Variants in PUF60 observed in about 807,000 individuals in gnomAD.
The protein encoded by PUF60 is poly(U) binding splicing factor 60.
In PUF60, 10 loss-of-function variants were observed where a neutral mutation model predicts 61.8. That is an observed-to-expected ratio of 0.16 (90% CI 0.10 to 0.27). PUF60 has a LOEUF of 0.27. Among genes scored for constraint, PUF60 ranks in the 10% least tolerant of loss-of-function variants. The pLI is 1.00. For missense variants in PUF60, 371 were observed against 754.0 expected, an observed-to-expected ratio of 0.49 and a Z score of 5.95; for synonymous variants, 353 against 300.9, an observed-to-expected ratio of 1.17 and a Z score of -1.79.
At chr8:143,824,274 G>C (rs891044593) in intron 2 of PUF60, 39 bp downstream of exon 2, 35 of 1,537,838 alleles carry the variant, frequency 2.3e-5, no homozygotes, top group Non-Finnish European at 3.0e-5. Flanking sequence ...GGGCGGGCAG[G>C]CGGGCGGGCC....
chr8:143,817,524 G>GA lies in PUF60; in HGVS notation c.1009-59dup. 1 of 1,608,232 alleles carries GA rather than the reference G, an allele frequency of 6.2e-7. No homozygotes were observed. The highest frequency in any genetic ancestry group is 1.3e-5 in the African/African-American group (1 of 74,940). Reference sequence around the variant, plus strand: ...TGGTCTGGCTACTCAAGACCACCTTGAATCAGTCTCCAAGGAATCAGGGGC... The same window carrying GA: ...TGGTCTGGCTACTCAAGACCACCTTGAAATCAGTCTCCAAGGAATCAGGGGC... On this transcript the variant is annotated intron_variant, in intron 9 of 11. Coordinates refer to ENST00000526683, the MANE Select transcript of PUF60 (RefSeq NM_078480.3). This position sits in a 1 kb window ranked among gnomAD's most constrained non-coding sequence, Gnocchi z 7.4.
intron 1 of PUF60, chr8:143,827,103 G>C (rs1169555783): frequency 3.1e-6 from 1 of 321,348 alleles, no homozygotes; most frequent in Non-Finnish European, 6.0e-6. Flanking sequence ...TCTCTCTCAG[G>C]AGCCTGGTGT....
At chr8:143,828,594 T>C (rs1357300544) in intron 1 of PUF60, among the ~76,000 whole-genome samples, 3 of 152,168 alleles carry the variant, frequency 2.0e-5, no homozygotes, top group Non-Finnish European at 4.4e-5. Context: ...AATGGCACCC[T>C]GGGTGGGAAC....
chr8:143,829,075 C>T (rs1470281355), intron 1 of PUF60: 9 of 1,065,628 alleles, frequency 8.4e-6, no homozygotes, highest in Non-Finnish European at 1.0e-5. Context: ...AAGCTGGGGT[C>T]CGCAGGCCGG....
At chr8:143,824,223 G>T in intron 2 of PUF60, 90 bp downstream of exon 2, 2 of 1,356,098 alleles carry the variant, frequency 1.5e-6, no homozygotes, top group African/African-American at 1.4e-5. Flanking sequence ...CCCCCAGCCA[G>T]CCCTCTCTGG....
chr8:143,825,128 GC>G (rs1817498021), intron 1 of PUF60: 1 of 152,336 alleles, frequency 6.6e-6, no homozygotes, highest in South Asian at 2.1e-4. Flanking sequence ...TGATGGAAGG[GC>G]CTTGAGACCT....
intron 1 of PUF60, 72 bp downstream of exon 1, chr8:143,829,208 G>A: frequency 8.1e-7 from 1 of 1,232,858 alleles, no homozygotes; most frequent in Non-Finnish European, 1.0e-6. Flanking sequence ...GAGGCCCTCC[G>A]CGCCCAGGCT....
rs1327414023 is a variant in PUF60, at chr8:143,829,045, C to T, written c.24+235G>A. 1.4e-4 allele frequency: 140 copies of T among 1,010,702 alleles called. No individual in the cohort carries two copies. The South Asian group carries it at 3.1e-3, about 23-fold the overall frequency. The allele number at this position is 1,010,702 out of a possible 1,614,324, so 62.6% of individuals were successfully genotyped here. A position where few individuals can be genotyped will look rare whatever the true frequency, so the allele number is the denominator to read the frequency against. On this transcript the variant is annotated intron_variant, in intron 1 of 11. Coordinates refer to ENST00000526683, the MANE Select transcript of PUF60 (RefSeq NM_078480.3). ...GCAAGGGCCACACGCCGCGCCCAGG[C>T]CCCCGCCCCGCCCCGCCGGAAGCTG... is the stretch of plus-strand genomic sequence containing the variant.
At chr8:143,820,348 A>T (rs1816873909) in intron 5 of PUF60, 1 of 435,792 alleles carries the variant, frequency 2.3e-6, no homozygotes, top group Non-Finnish European at 4.2e-6. Flanking sequence ...CCGTGGGCAC[A>T]CCCCGTGCGT....
chr8:143,816,952 G>A lies in PUF60; in HGVS notation c.1338C>T (p.Ser446=), dbSNP rs557273732. Residue 446 remains serine, a synonymous_variant, in exon 11 of 12, where the codon AGC becomes AGT. Coordinates refer to ENST00000526683, the MANE Select transcript of PUF60 (RefSeq NM_078480.3). The stretch of plus-strand genomic sequence containing the variant: ...GCTTCTGCATCACCATGTGTCGGGC[G>A]CTACTGCCCGAGATGCTCATGTGCT... ...EQEHMSISGS[S]ARHMVMQKLL... is the part of the protein sequence containing the mutation. 61 of 1,596,008 alleles carry A rather than the reference G, an allele frequency of 3.8e-5. No homozygotes were observed. In the South Asian group the frequency reaches 4.5e-4, roughly 12 times the overall value.
At chr8:143,826,649 G>A (rs927040386) in intron 1 of PUF60, among the ~76,000 whole-genome samples, 5 of 152,180 alleles carry the variant, frequency 3.3e-5, no homozygotes, top group African/African-American at 1.2e-4. Flanking sequence ...AACCCAGGAG[G>A]CAGAGGTTGC....
At chr8:143,819,258 G>T (rs1816740909) in intron 5 of PUF60, among the ~76,000 whole-genome samples, 2 of 152,170 alleles carry the variant, frequency 1.3e-5, no homozygotes, top group South Asian at 2.1e-4. Flanking sequence ...GAAGCCCCCA[G>T]GCTCCTTAGA....
chr8:143,828,619 C>A (rs1349131208), intron 1 of PUF60, among the ~76,000 whole-genome samples: 1 of 152,226 alleles, frequency 6.6e-6, no homozygotes, highest in Non-Finnish European at 1.5e-5. Context: ...TTCTGGTGCG[C>A]ACTAGACCTC....
At chr8:143,825,507 C>T (rs1244629314) in intron 1 of PUF60, among the ~76,000 whole-genome samples, 1 of 151,930 alleles carries the variant, frequency 6.6e-6, no homozygotes, top group Non-Finnish European at 1.5e-5. Flanking sequence ...ACTGCATGCA[C>T]AGCCAGAGCA....
At chr8:143,819,982 G>C (rs954207243) in intron 5 of PUF60, among the ~76,000 whole-genome samples, 1 of 152,226 alleles carries the variant, frequency 6.6e-6, no homozygotes, top group Non-Finnish European at 1.5e-5. Flanking sequence ...GGCTCCCAGA[G>C]AAGGGTCCAC....
rs1816599480 is a variant in PUF60, at chr8:143,818,271, C to G, written c.525G>C (p.Val175=). The change falls in exon 7 of 12, where the codon GTG becomes GTC. Residue 175 remains valine (V), a synonymous_variant. Coordinates refer to ENST00000526683, the MANE Select transcript of PUF60 (RefSeq NM_078480.3). The surrounding 1 kb of genome is among the most constrained non-coding windows in gnomAD (Gnocchi z 7.9). The part of the protein sequence containing the change: ...VTMKHKGFAF[V]EYEVPEAAQL... ...GTGCAGCTTCGGGGACCTCATACTC[C>G]ACGAAGGCAAAGCCCTAGACACAGG... 6.2e-7 allele frequency: 1 copy of G among 1,609,334 alleles called. No homozygotes were observed.
Position 143,818,572 on chromosome 8 carries a change from CAG to C in PUF60, c.349-40_349-39del. Reference sequence around the variant, plus strand: ...AGAGGGGAGAGAACCGCTGGCTCGTCAGGGGCGGCAGGAAGCTGGGCAGCCCA... The same window carrying C: ...AGAGGGGAGAGAACCGCTGGCTCGTCGGGCGGCAGGAAGCTGGGCAGCCCA... On this transcript the variant is annotated intron_variant, in intron 5 of 11. Coordinates refer to ENST00000526683, the MANE Select transcript of PUF60 (RefSeq NM_078480.3). This position sits in a 1 kb window ranked among gnomAD's most constrained non-coding sequence, Gnocchi z 7.9. 1 of 1,526,406 alleles carries C rather than the reference CAG, an allele frequency of 6.6e-7. No individual in the cohort carries two copies. The highest frequency in any genetic ancestry group is 1.4e-5 in the African/African-American group (1 of 73,078). 94.6% of individuals were successfully genotyped at this position (1,526,406 alleles called of 1,614,324 possible).
At position 143,817,672 on chromosome 8, in the gene PUF60, G is replaced by T; in HGVS notation, c.928C>A (p.Leu310Ile). ...AGGCCTCCAGGCGTGGCTGGTGTGAGTAGGGGCATGGGCGGTGTGACAGCC... is the reference window on the plus strand; with the variant it reads ...AGGCCTCCAGGCGTGGCTGGTGTGATTAGGGGCATGGGCGGTGTGACAGCC... Reference protein sequence around the residue: ...GKAVTPPMPLLTPATPGGLPP... With the variant: ...GKAVTPPMPLITPATPGGLPP... The change falls in exon 9 of 12, where the codon CTC becomes ATC. Residue 310 changes from leucine to isoleucine, a missense_variant. Leu to Ile is a conservative substitution (Grantham distance 5). This residue lies in a region of PUF60 where 17 missense variants were observed against 19.2 expected (regional missense o/e 0.89). Coordinates refer to ENST00000526683, the MANE Select transcript of PUF60 (RefSeq NM_078480.3). The surrounding 1 kb of genome is among the most constrained non-coding windows in gnomAD (Gnocchi z 7.4). The T allele has an allele frequency of 6.2e-7, 1 of 1,612,688 alleles. No homozygotes were observed. The highest frequency in any genetic ancestry group is 8.5e-7 in the Non-Finnish European group (1 of 1,179,866).
intron 5 of PUF60, among the ~76,000 whole-genome samples, chr8:143,819,622 C>G (rs1385585729): frequency 1.3e-5 from 2 of 152,200 alleles, no homozygotes; most frequent in Non-Finnish European, 1.5e-5. Flanking sequence ...GGTGAGATAT[C>G]TTCCTTCAAA....
Sources: gnomAD v4.1 joint callset for allele counts (sites outside exome capture counted in the v4.1 genomes callset) on GRCh38, gnomAD v4.1.1 for gene constraint, gnomAD v4.1.1 regional missense constraint, Gnocchi (gnomAD v3.1) non-coding constraint, MANE v1.5 for transcripts, NCBI Gene and HGNC (gene_info 2026-07-23, HGNC 2026-07-21) for gene names.